Variants in PIK3C2B observed in about 807,000 individuals in gnomAD.
PIK3C2B encodes the protein phosphatidylinositol-4-phosphate 3-kinase catalytic subunit type 2 beta.
In PIK3C2B, 83 loss-of-function variants were observed where a neutral mutation model predicts 184.3. The observed-to-expected ratio is 0.45, with a 90% CI of 0.38 to 0.54. The LOEUF (loss-of-function observed/expected upper bound fraction) is 0.54, where lower values mean the gene tolerates loss of function less well. Among genes scored for constraint, PIK3C2B ranks in the 20% least tolerant of loss-of-function variants. PIK3C2B has a pLI of 0.00. For missense variants in PIK3C2B, 1,736 were observed against 2,113.5 expected (o/e 0.82, Z 3.50); for synonymous variants, 779 against 837.6 (o/e 0.93, Z 1.21).
At chr1:204,464,174 A>C in intron 4 of PIK3C2B, 42 bp from the exon 5 acceptor site, 2 of 1,607,700 alleles carry the variant, frequency 1.2e-6, no homozygotes, top group Non-Finnish European at 1.7e-6. Context: ...GATGGATGTC[A>C]AGGCAGATGG....
At position 204,449,901 on chromosome 1, in the gene PIK3C2B, C is replaced by A. The variant is rs763414189; in HGVS notation, c.2183G>T (p.Arg728Leu). The A allele has an allele frequency of 3.1e-6, 5 of 1,613,900 alleles. No homozygotes were observed. Among genetic ancestry groups the A allele is most frequent in the Non-Finnish European group, 3.4e-6 (4 of 1,179,896 alleles). The change falls in exon 13 of 33, where the codon CGG becomes CTG. Residue 728 changes from arginine (R) to leucine (L), a missense_variant. By Grantham distance (102) the Arg-to-Leu change is moderately radical. Around this residue, in one of 8 missense-constraint regions of PIK3C2B, gnomAD observed 609 missense variants for 699.2 expected, o/e 0.87. Coordinates refer to ENST00000684373, the MANE Select transcript of PIK3C2B (RefSeq NM_001377334.1). Reference sequence around the variant, plus strand: ...GACCCAGCCCAGGGCTTCAGGCACCCGCCGCTGCTTATTGGCCTCTGAGGA... The same window carrying A: ...GACCCAGCCCAGGGCTTCAGGCACCAGCCGCTGCTTATTGGCCTCTGAGGA... ...GSSSEANKQR[R>L]VPEALGWVTT...
chr1:204,433,838 G>A lies in PIK3C2B; in HGVS notation c.3798C>T (p.Asn1266=). ...AGAGGTGGGTGTGCTTGCGAATGAG[G>A]TTGTAGGCTTGGCAGCAAAGGTCAA... The part of the protein sequence containing the change: ...DFVDLCCQAY[N]LIRKHTHLFL... The change falls in exon 25 of 33, where the codon AAC becomes AAT. Residue 1266 remains asparagine, a synonymous_variant. Coordinates refer to ENST00000684373, the MANE Select transcript of PIK3C2B (RefSeq NM_001377334.1). The surrounding 1 kb of genome is among the most constrained non-coding windows in gnomAD (Gnocchi z 5.0). 1 of 1,614,206 alleles carries A rather than the reference G, an allele frequency of 6.2e-7. No homozygotes were observed. Among genetic ancestry groups the A allele is most frequent in the Non-Finnish European group, 8.5e-7 (1 of 1,180,028 alleles).
At chr1:204,456,894 A>ACACACC in intron 10 of PIK3C2B, 143 bp downstream of exon 10, 1 of 551,592 alleles carries the variant, frequency 1.8e-6, no homozygotes, top group Admixed American at 3.5e-5. Flanking sequence ...ACACACACAC[A>ACACACC]CACACACACA....
rs1224412436 is a variant in PIK3C2B at position 204,442,556 on chromosome 1, G to C, written c.3126C>G (p.Pro1042=). 1 of 1,555,298 alleles carries C rather than the reference G, an allele frequency of 6.4e-7. No individual in the cohort carries two copies. The highest frequency in any genetic ancestry group is 8.7e-7 in the Non-Finnish European group (1 of 1,148,980). ...LNGSCRLPLS[P]SLLVKGIVPR... ...GCACAATTCCCTTAACCAGCAGACT[G>C]GGGCTGAGTGGCAAGCGGCACGAGC... is the stretch of plus-strand genomic sequence containing the variant. The change falls in exon 20 of 33, where the codon CCC becomes CCG. Residue 1042 remains proline (P), a synonymous_variant. Transcript: ENST00000684373.
intron 2 of PIK3C2B, chr1:204,467,379 G>A (rs1483303019): frequency 1.2e-5 from 2 of 160,430 alleles, no homozygotes; most frequent in Admixed American, 1.2e-4. Flanking sequence ...TGCTTTTGGG[G>A]GGACTCTCTT....
At chr1:204,438,886 G>GC in intron 23 of PIK3C2B, 49 bp downstream of exon 23, 1 of 1,583,244 alleles carries the variant, frequency 6.3e-7, no homozygotes, top group African/African-American at 1.3e-5. Context: ...CTGTGTGCCG[G>GC]CATCAGGCAC....
intron 1 of PIK3C2B, among the ~76,000 whole-genome samples, chr1:204,493,096 G>A (rs1304577682): frequency 6.6e-6 from 1 of 152,190 alleles, no homozygotes; most frequent in African/African-American, 2.4e-5. Context: ...GAAGTATTTG[G>A]GGGTCGGCAT....
At chr1:204,494,180 T>C (rs1249770185) in intron 1 of PIK3C2B, among the ~76,000 whole-genome samples, 176 bp downstream of exon 1, 1 of 152,116 alleles carries the variant, frequency 6.6e-6, no homozygotes, top group Non-Finnish European at 1.5e-5. Flanking sequence ...GGGCAGGAGC[T>C]CAGGCTCCCA....
chr1:204,447,428 G>C lies in PIK3C2B; in HGVS notation c.2489+8C>G. 6.2e-7 allele frequency: 1 copy of C among 1,612,356 alleles called. No individual in the cohort carries two copies. On this transcript the variant is annotated splice_region_variant and intron_variant, in intron 15 of 32. Coordinates refer to ENST00000684373, the MANE Select transcript of PIK3C2B (RefSeq NM_001377334.1). The surrounding 1 kb of genome is among the most constrained non-coding windows in gnomAD (Gnocchi z 4.1). ...ACATGACAGATTCAGTGGGGGCCCG[G>C]GTCTCACCAGTACAAGGACTCTTTC... is the stretch of plus-strand genomic sequence containing the variant.
chr1:204,464,174 A>G (rs551346956), intron 4 of PIK3C2B, 42 bp from the exon 5 acceptor site: 1 of 1,607,700 alleles, frequency 6.2e-7, no homozygotes, highest in African/African-American at 1.3e-5. Flanking sequence ...GATGGATGTC[A>G]AGGCAGATGG....
intron 24 of PIK3C2B, among the ~76,000 whole-genome samples, 174 bp downstream of exon 24, chr1:204,434,265 G>A (rs1675224785): frequency 6.6e-6 from 1 of 152,220 alleles, no homozygotes; most frequent in South Asian, 2.1e-4. Context: ...TCTTCTGCAA[G>A]GCCCTGCAAG....
intron 12 of PIK3C2B, among the ~76,000 whole-genome samples, chr1:204,451,004 G>A (rs537497405): frequency 6.6e-6 from 1 of 152,294 alleles, no homozygotes; most frequent in South Asian, 2.1e-4. Flanking sequence ...TGCCTCCACC[G>A]CTGTCCTCCA....
intron 22 of PIK3C2B, 53 bp from the exon 23 acceptor site, chr1:204,439,124 A>G (rs1230110812): frequency 1.1e-5 from 17 of 1,588,746 alleles, no homozygotes; most frequent in Non-Finnish European, 1.4e-5. Context: ...AGGGGACTGC[A>G]GGGAGAGGAC....
chr1:204,425,563 C>G, intron 32 of PIK3C2B, 50 bp downstream of exon 32: 1 of 1,594,248 alleles, frequency 6.3e-7, no homozygotes, highest in African/African-American at 1.3e-5. Flanking sequence ...TCTAGGAGAA[C>G]AGGCGCAGGT....
At chr1:204,439,920 G>A (rs2103478999) in intron 22 of PIK3C2B, among the ~76,000 whole-genome samples, 1 of 152,290 alleles carries the variant, frequency 6.6e-6, no homozygotes, top group South Asian at 2.1e-4. Flanking sequence ...GAGCTAGCAT[G>A]TCTGGCCCAA....
At chr1:204,427,922 C>A (rs1163233795) in intron 30 of PIK3C2B, among the ~76,000 whole-genome samples, 168 bp from the exon 31 acceptor site, 1 of 152,178 alleles carries the variant, frequency 6.6e-6, no homozygotes, top group Non-Finnish European at 1.5e-5. Flanking sequence ...TGGGATGGGT[C>A]TAAGGATATA....
chr1:204,468,753 G>A, intron 2 of PIK3C2B, 117 bp downstream of exon 2: 2 of 917,214 alleles, frequency 2.2e-6, no homozygotes, highest in Non-Finnish European at 3.3e-6. Flanking sequence ...AAAGAGGGTA[G>A]GAGAGGCCTA....
intron 1 of PIK3C2B, among the ~76,000 whole-genome samples, chr1:204,484,663 G>A (rs1173567009): frequency 6.6e-6 from 1 of 152,052 alleles, no homozygotes. Flanking sequence ...GAAACTGGGA[G>A]GTGGAAGTTG....
At chr1:204,446,246 GCA>G (rs749831351) in intron 15 of PIK3C2B, 102 bp from the exon 16 acceptor site, 5 of 672,618 alleles carry the variant, frequency 7.4e-6, no homozygotes, top group Non-Finnish European at 1.2e-5. Flanking sequence ...AGGGAGTGCT[GCA>G]CACACTGCAA....
Sources: gnomAD v4.1 joint callset for allele counts (sites outside exome capture counted in the v4.1 genomes callset) on GRCh38, gnomAD v4.1.1 for gene constraint, gnomAD v4.1.1 regional missense constraint, Gnocchi (gnomAD v3.1) non-coding constraint, MANE v1.5 for transcripts, NCBI Gene and HGNC (gene_info 2026-07-23, HGNC 2026-07-21) for gene names.